The following MYO16 variants were observed in gnomAD, a reference collection of about 807,000 sequenced individuals.
The protein encoded by MYO16 is unconventional myosin-XVI.
MYO16 carries 94 observed loss-of-function variants against 205.3 expected under a neutral mutation model. The observed-to-expected ratio is 0.46, with a 90% CI of 0.39 to 0.54. The LOEUF (loss-of-function observed/expected upper bound fraction) is 0.54, where lower values mean the gene tolerates loss of function less well. MYO16 is among the 20% of genes least tolerant of loss of function. MYO16 has a pLI of 0.00. For synonymous variants in MYO16, 988 were observed against 954.0 expected (o/e 1.04, Z -0.66); for missense variants, 2,315 against 2,387.5 (o/e 0.97, Z 0.63).
chr13:109,126,758 GAA>G (rs757160376), intron 30 of MYO16, among the ~76,000 whole-genome samples: 3 of 152,190 alleles, frequency 2.0e-5, no homozygotes, highest in Non-Finnish European at 4.4e-5. Context: ...TAAGAGGCAA[GAA>G]AGAGAGTAAT....
At position 109,140,340 on chromosome 13, in the gene MYO16, C is replaced by T; in HGVS notation, c.4128C>T (p.Ser1376=). ...TTCCTCCTCGAAAGCCCAAGCGCAG[C>T]CCCAACACCAAGCTCAGCGGCTCCT... ...KKIPPRKPKR[S]PNTKLSGSYE... Residue 1376 remains serine (S), a synonymous_variant, in exon 32 of 35, where the codon AGC becomes AGT. Coordinates refer to ENST00000457511, the MANE Select transcript of MYO16 (RefSeq NM_001198950.3). The surrounding 1 kb of genome is among the most constrained non-coding windows in gnomAD (Gnocchi z 8.0). The T allele has an allele frequency of 6.2e-7, 1 of 1,603,420 alleles. No individual in the cohort carries two copies. The highest frequency in any genetic ancestry group is 8.5e-7 in the Non-Finnish European group (1 of 1,179,278).
intron 20 of MYO16, among the ~76,000 whole-genome samples, chr13:108,965,816 G>A (rs192704297): frequency 6.6e-6 from 1 of 152,274 alleles, no homozygotes; most frequent in East Asian, 1.9e-4. Flanking sequence ...GTCACTAATA[G>A]TGACCTTGAG....
chr13:109,005,932 T>C (rs2139472474), intron 21 of MYO16, among the ~76,000 whole-genome samples: 1 of 152,290 alleles, frequency 6.6e-6, no homozygotes, highest in African/African-American at 2.4e-5. Context: ...TCCATCTAGG[T>C]GCATGTAATT....
chr13:108,926,479 CG>C (rs1436044462), intron 16 of MYO16, among the ~76,000 whole-genome samples: 1 of 152,064 alleles, frequency 6.6e-6, no homozygotes, highest in Non-Finnish European at 1.5e-5. Flanking sequence ...TGAAGAATCT[CG>C]GGTGCACTCA....
intron 16 of MYO16, among the ~76,000 whole-genome samples, chr13:108,916,898 A>T (rs932828131): frequency 2.0e-5 from 3 of 152,178 alleles, no homozygotes; most frequent in African/African-American, 7.2e-5. Flanking sequence ...ATTTCTGTTC[A>T]TTGGAACTTC....
intron 4 of MYO16, among the ~76,000 whole-genome samples, chr13:108,755,171 T>C (rs973498305): frequency 1.3e-5 from 2 of 151,928 alleles, no homozygotes; most frequent in African/African-American, 4.8e-5. Context: ...AGTCATTGTG[T>C]TCTAGTAGAA....
intron 33 of MYO16, among the ~76,000 whole-genome samples, chr13:109,169,615 CAAAT>C (rs1878845867): frequency 7.3e-6 from 1 of 137,710 alleles, no homozygotes; most frequent in Admixed American, 7.4e-5. Context: ...TTTACATAAA[CAAAT>C]ACATTCTTAA....
intron 2 of MYO16, among the ~76,000 whole-genome samples, chr13:108,686,923 A>G (rs932435105): frequency 2.0e-5 from 3 of 152,214 alleles, no homozygotes; most frequent in Non-Finnish European, 4.4e-5. Flanking sequence ...GGTACAGCCA[A>G]CAGCAGCAGC....
the MYO16 span, among the ~76,000 whole-genome samples, chr13:108,551,671 C>T: frequency 1.3e-5 from 2 of 151,992 alleles, no homozygotes; most frequent in Admixed American, 6.6e-5. Context: ...TCTGCGTTGC[C>T]CAGGGGATAA....
At chr13:108,619,205 A>G (rs1594147992) in intron 1 of MYO16, among the ~76,000 whole-genome samples, 1 of 152,196 alleles carries the variant, frequency 6.6e-6, no homozygotes, top group East Asian at 1.9e-4. Context: ...TTAGAGATGT[A>G]TATCAATATC....
At chr13:109,012,315 G>A (rs1210935942) in intron 22 of MYO16, among the ~76,000 whole-genome samples, 1 of 152,224 alleles carries the variant, frequency 6.6e-6, no homozygotes, top group South Asian at 2.1e-4. Flanking sequence ...AGGGAGCAAA[G>A]CTTCATCTGT....
At chr13:109,056,377 G>C (rs1887419690) in intron 27 of MYO16, among the ~76,000 whole-genome samples, 1 of 152,002 alleles carries the variant, frequency 6.6e-6, no homozygotes, top group South Asian at 2.1e-4. Flanking sequence ...CTACATATTT[G>C]TTCATTTGTA....
At chr13:109,054,544 A>G (rs928815209) in intron 25 of MYO16, among the ~76,000 whole-genome samples, 1 of 152,136 alleles carries the variant, frequency 6.6e-6, no homozygotes, top group African/African-American at 2.4e-5. Context: ...TAGCATAACC[A>G]GGATATGATC....
At chr13:109,047,157 A>G (rs999070296) in intron 24 of MYO16, among the ~76,000 whole-genome samples, 166 bp downstream of exon 24, 6 of 152,194 alleles carry the variant, frequency 3.9e-5, no homozygotes, top group African/African-American at 9.6e-5. Context: ...TTGCTGCACT[A>G]TATGTTGGCT....
At chr13:108,765,957 T>A (rs1885764684) in intron 4 of MYO16, among the ~76,000 whole-genome samples, 2 of 152,164 alleles carry the variant, frequency 1.3e-5, no homozygotes, top group Admixed American at 1.3e-4. Flanking sequence ...GTAATAAAGG[T>A]TTTACATTTT....
chr13:108,837,229 C>G (rs187852189), intron 9 of MYO16, among the ~76,000 whole-genome samples: 1 of 152,150 alleles, frequency 6.6e-6, no homozygotes, highest in Non-Finnish European at 1.5e-5. Flanking sequence ...CCTGTTGGCA[C>G]TTGTTCTTCC....
intron 23 of MYO16, among the ~76,000 whole-genome samples, chr13:109,023,777 ATAT>A (rs1433816021): frequency 2.8e-4 from 34 of 123,214 alleles, no homozygotes; most frequent in African/African-American, 5.8e-4. Context: ...TTTTATATAC[ATAT>A]TATATGCATA....
intron 4 of MYO16, among the ~76,000 whole-genome samples, chr13:108,728,229 A>G: frequency 6.6e-6 from 1 of 152,332 alleles, no homozygotes; most frequent in African/African-American, 2.4e-5. Flanking sequence ...TAACTTCTTA[A>G]TGCCTTGCTA....
At chr13:108,500,530 G>C in the MYO16 span, among the ~76,000 whole-genome samples, 1 of 151,890 alleles carries the variant, frequency 6.6e-6, no homozygotes, top group Non-Finnish European at 1.5e-5. Context: ...GCCCGGACTT[G>C]ATTACTGTTC....
Sources: gnomAD v4.1 joint callset for allele counts (sites outside exome capture counted in the v4.1 genomes callset) on GRCh38, gnomAD v4.1.1 for gene constraint, Gnocchi (gnomAD v3.1) non-coding constraint, MANE v1.5 for transcripts, NCBI Gene and HGNC (gene_info 2026-07-23, HGNC 2026-07-21) for gene names.